BBS7: variants seen among roughly 807,000 people sequenced by gnomAD.
The protein encoded by BBS7 is Bardet-Biedl syndrome 7, also known as BBSome complex member BBS7.
Under a neutral mutation model 90.3 loss-of-function variants are expected in BBS7, and 50 were observed. The observed-to-expected ratio is 0.55, with a 90% confidence interval of 0.44 to 0.70. The LOEUF is 0.70. Ranked by LOEUF, BBS7 falls within the 30% of genes least tolerant of loss-of-function variation. The pLI is 0.00. For synonymous variants in BBS7, 235 were observed against 287.4 expected, an observed-to-expected ratio of 0.82 and a Z score of 1.85; for missense variants, 729 against 838.9, an observed-to-expected ratio of 0.87 and a Z score of 1.62.
intron 5 of BBS7, among the ~76,000 whole-genome samples, chr4:121,856,689 G>A (rs563056644): frequency 3.3e-5 from 5 of 151,438 alleles, no homozygotes; most frequent in East Asian, 3.9e-4. Flanking sequence ...CAGCCTGGGC[G>A]ACAGAGCAAG....
chr4:121,869,454 C>T (rs190516852), intron 1 of BBS7, among the ~76,000 whole-genome samples: 34 of 152,310 alleles, frequency 2.2e-4, no homozygotes, highest in Admixed American at 2.0e-3. Flanking sequence ...ATATTGTCTA[C>T]TTTGCAAATT....
At chr4:121,856,540 C>T (rs1726682628) in intron 5 of BBS7, among the ~76,000 whole-genome samples, 1 of 151,804 alleles carries the variant, frequency 6.6e-6, no homozygotes, top group Non-Finnish European at 1.5e-5. Context: ...CATGGTGAAA[C>T]CGTCTCTACT....
rs919265667 is a variant in BBS7, at chr4:121,848,325, G to T, written c.934+519C>A. On this transcript the variant is annotated intron_variant, in intron 9 of 18. Transcript: ENST00000264499. ...TAAATTGTACAACATTCTGAATAGG[G>T]TGATAAAATCTCATGCCATCCTGCT... 3.9e-4 allele frequency among the ~76,000 whole-genome samples: 60 copies of T among 152,208 alleles called. 1 individual carries two copies. Among genetic ancestry groups the T allele is most frequent in the Middle Eastern group, 3.4e-3 (1 of 294 alleles).
chr4:121,835,197 G>T lies in BBS7; in HGVS notation c.1458C>A (p.Tyr486Ter), dbSNP rs1470030897. Residue 486 changes from tyrosine (Y) to a stop codon, truncating the protein, a stop_gained, in exon 14 of 19, where the codon TAC becomes TAA. Transcript: ENST00000264499. LOFTEE classifies it high-confidence loss of function. Reference sequence around the variant, plus strand: ...GATGGAGTGAAAGAGGTTTGATGTGGTACTGGCGGACCTGACAGGTTTTGG... The same window carrying T: ...GATGGAGTGAAAGAGGTTTGATGTGTTACTGGCGGACCTGACAGGTTTTGG... ...IQPKTCQVRQ[Y>*]HIKPLSLHQR... is the part of the protein sequence containing the mutation. 1 of 1,613,882 alleles carries T rather than the reference G, an allele frequency of 6.2e-7. No homozygotes were observed. The highest frequency in any genetic ancestry group is 8.5e-7 in the Non-Finnish European group (1 of 1,179,858).
At chr4:121,840,641 T>C (rs920077239) in intron 12 of BBS7, among the ~76,000 whole-genome samples, 5 of 152,282 alleles carry the variant, frequency 3.3e-5, no homozygotes, top group African/African-American at 1.2e-4. Flanking sequence ...GAAATGTAGC[T>C]AGGTTCATGG....
Position 121,828,508 on chromosome 4 carries a change from A to G in BBS7, c.1787-3T>C. On this transcript the variant is annotated splice_region_variant and splice_polypyrimidine_tract_variant and intron_variant, in intron 16 of 18. Coordinates refer to ENST00000264499, the MANE Select transcript of BBS7 (RefSeq NM_176824.3). ...TTTGACTGATACTTCATTTATCTCT[A>G]GAAGGAGTTGACCAGATGCAGTTAG... 1 of 1,610,546 alleles carries G rather than the reference A, an allele frequency of 6.2e-7. No individual in the cohort carries two copies. The highest frequency in any genetic ancestry group is 8.5e-7 in the Non-Finnish European group (1 of 1,176,834).
intron 11 of BBS7, 140 bp from the exon 12 acceptor site, chr4:121,844,141 A>C (rs923475531): frequency 1.6e-6 from 1 of 608,598 alleles, no homozygotes; most frequent in African/African-American, 1.9e-5. Flanking sequence ...CTTAACTTAT[A>C]CTTGATAGTA....
intron 8 of BBS7, among the ~76,000 whole-genome samples, chr4:121,851,650 T>A (rs1015552720): frequency 2.0e-5 from 3 of 152,206 alleles, no homozygotes; most frequent in African/African-American, 7.2e-5. Context: ...TAAAATGCAA[T>A]GTTTAAAGTA....
In BBS7 at chr4:121,835,420, G is replaced by A. The variant is rs188982572; in HGVS notation, c.1372-137C>T. 769 of 1,004,192 alleles carry A rather than the reference G, an allele frequency of 7.7e-4. 4 individuals carry two copies. The African/African-American group carries it at 0.011, about 14-fold the overall frequency. The allele number at this position is 1,004,192 out of a possible 1,614,324, so 62.2% of individuals were successfully genotyped here. On this transcript the variant is annotated intron_variant, in intron 13 of 18. Transcript: ENST00000264499. ...CTAATTTAAGAGGAGTTGGAAAGCTGTCCAGCTTCTTTCTCCTGTCCCACT... is the reference window on the plus strand; with the variant it reads ...CTAATTTAAGAGGAGTTGGAAAGCTATCCAGCTTCTTTCTCCTGTCCCACT...
In BBS7 at chr4:121,833,366, T is replaced by C; in HGVS notation, c.1541A>G (p.Gln514Arg). 6.2e-7 allele frequency: 1 copy of C among 1,614,032 alleles called. No homozygotes were observed. The highest frequency in any genetic ancestry group is 2.2e-5 in the East Asian group (1 of 44,852). ...RPMNTLTLTG[Q>R]FSFAEVHSWV... ...GGAGTGAACTTCAGCAAAACTGAAC[T>C]GGCCTGTTAGGGTCAGTGTATTCAT... The change falls in exon 15 of 19, where the codon CAG becomes CGG. Residue 514 changes from glutamine (Q) to arginine (R), a missense_variant. Gln to Arg is a conservative substitution (Grantham distance 43). Coordinates refer to ENST00000264499, the MANE Select transcript of BBS7 (RefSeq NM_176824.3).
At chr4:121,843,702 A>G (rs111623264) in intron 12 of BBS7, among the ~76,000 whole-genome samples, 19 of 152,338 alleles carry the variant, frequency 1.2e-4, no homozygotes, top group African/African-American at 4.6e-4. Context: ...AGCATTTCAC[A>G]TAAGGGATAT....
chr4:121,840,133 G>A (rs113427941), intron 12 of BBS7, among the ~76,000 whole-genome samples: 3 of 152,190 alleles, frequency 2.0e-5, no homozygotes, highest in Admixed American at 2.0e-4. Context: ...GAGGGACTCA[G>A]TGGGAGATAA....
intron 7 of BBS7, among the ~76,000 whole-genome samples, chr4:121,854,142 G>A (rs1726474178): frequency 6.6e-6 from 1 of 151,996 alleles, no homozygotes; most frequent in Non-Finnish European, 1.5e-5. Flanking sequence ...ACACAGCCCT[G>A]TTTTATTTTC....
rs565688823 is a variant in BBS7, at chr4:121,852,523, T to C, written c.849+433A>G. ...CTAATACAGGCAGCCCTTGAGTGGGTAGGAGTGAAACTGCTACTTTTTTCA... is the reference window on the plus strand; with the variant it reads ...CTAATACAGGCAGCCCTTGAGTGGGCAGGAGTGAAACTGCTACTTTTTTCA... On this transcript the variant is annotated intron_variant, in intron 8 of 18. Transcript: ENST00000264499. Among the ~76,000 whole-genome samples the C allele has an allele frequency of 3.3e-5, 5 of 152,220 alleles. No individual in the cohort carries two copies. In the South Asian group the frequency reaches 8.3e-4, roughly 25 times the overall value.
At chr4:121,826,831 A>C (rs1412775489) in intron 18 of BBS7, among the ~76,000 whole-genome samples, 1 of 152,102 alleles carries the variant, frequency 6.6e-6, no homozygotes, top group Non-Finnish European at 1.5e-5. Flanking sequence ...AAAGTACAAA[A>C]AAATTAGCTG....
intron 2 of BBS7, among the ~76,000 whole-genome samples, chr4:121,865,346 C>T (rs1202747668): frequency 2.0e-5 from 3 of 151,568 alleles, no homozygotes; most frequent in Non-Finnish European, 4.4e-5. Context: ...TCAAGCGATT[C>T]TCCCATGTCA....
intron 4 of BBS7, among the ~76,000 whole-genome samples, chr4:121,859,799 T>C (rs1209447997): frequency 1.3e-5 from 2 of 152,056 alleles, no homozygotes; most frequent in African/African-American, 4.8e-5. Context: ...AACTTTATCT[T>C]GAAAAAAGAA....
intron 9 of BBS7, 86 bp from the exon 10 acceptor site, chr4:121,847,592 T>G: frequency 2.2e-6 from 2 of 922,544 alleles, no homozygotes; most frequent in Non-Finnish European, 3.6e-6. Flanking sequence ...GAAACTCCAA[T>G]GTACATGCCC....
chr4:121,849,595 G>A (rs186043559), intron 8 of BBS7, among the ~76,000 whole-genome samples: 6 of 152,152 alleles, frequency 3.9e-5, no homozygotes, highest in South Asian at 4.1e-4. Flanking sequence ...TTGGGAAGCC[G>A]AGGTGGGCGG....
Sources: allele counts gnomAD v4.1 joint callset (sites outside exome capture counted in the v4.1 genomes callset), GRCh38; gene constraint gnomAD v4.1.1; transcripts MANE v1.5; gene names NCBI Gene and HGNC (gene_info 2026-07-23, HGNC 2026-07-21).